SCN8A: variants seen among roughly 807,000 people sequenced by gnomAD.
The protein encoded by SCN8A is sodium channel protein type 8 subunit alpha.
SCN8A carries 30 observed loss-of-function variants against 184.1 expected under a neutral mutation model. The ratio of observed to expected loss-of-function variants is 0.16; its 90% CI spans 0.12 to 0.22. The LOEUF (loss-of-function observed/expected upper bound fraction) is 0.22, where lower values mean the gene tolerates loss of function less well. SCN8A is among the 10% of genes least tolerant of loss of function. The pLI, the probability that SCN8A is intolerant of heterozygous loss-of-function variation, is 1.00. For synonymous variants in SCN8A, 852 were observed against 907.0 expected, an observed-to-expected ratio of 0.94 and a Z score of 1.09; for missense variants, 1,057 against 2,498.9, an observed-to-expected ratio of 0.42 and a Z score of 12.30.
At chr12:51,722,038 C>G (rs1371115570) in intron 12 of SCN8A, 130 bp downstream of exon 12, 2 of 1,446,514 alleles carry the variant, frequency 1.4e-6, no homozygotes, top group Non-Finnish European at 9.5e-7. Flanking sequence ...CTTGGTCTGT[C>G]TGGACCCCAC....
At chr12:51,789,184 T>G (rs1377506460) in intron 23 of SCN8A, 97 bp from the exon 24 acceptor site, 1 of 1,330,970 alleles carries the variant, frequency 7.5e-7, no homozygotes, top group African/African-American at 1.5e-5. Flanking sequence ...CCAAGATGTT[T>G]AGCAGCTCAA....
chr12:51,606,147 G>A (rs1055059267), intron 1 of SCN8A, among the ~76,000 whole-genome samples: 4 of 152,092 alleles, frequency 2.6e-5, no homozygotes, highest in Non-Finnish European at 5.9e-5. Flanking sequence ...TGGGTTCTTG[G>A]CCATGAAATC....
intron 11 of SCN8A, among the ~76,000 whole-genome samples, chr12:51,709,395 G>A (rs917366515): frequency 1.3e-5 from 2 of 152,200 alleles, no homozygotes; most frequent in Non-Finnish European, 1.5e-5. Context: ...CACTGGCATA[G>A]AGATGGAGTT....
intron 7 of SCN8A, 28 bp downstream of exon 7, chr12:51,699,819 A>C: frequency 6.4e-7 from 1 of 1,565,182 alleles, no homozygotes; most frequent in South Asian, 1.1e-5. Flanking sequence ...TGCAAGAGGA[A>C]TAGGAAAAGT....
intron 1 of SCN8A, among the ~76,000 whole-genome samples, chr12:51,608,299 C>G (rs559099258): frequency 6.6e-6 from 1 of 152,046 alleles, no homozygotes; most frequent in South Asian, 2.1e-4. Flanking sequence ...CGTGAGCCAC[C>G]GCGCCTGGCC....
intron 2 of SCN8A, 104 bp downstream of exon 2, chr12:51,663,197 G>C: frequency 7.5e-7 from 1 of 1,341,730 alleles, no homozygotes; most frequent in Non-Finnish European, 1.0e-6. Context: ...TGGATAAGTA[G>C]TTAACCTTTT....
chr12:51,611,394 AC>A (rs1398600181), intron 1 of SCN8A, among the ~76,000 whole-genome samples: 2 of 152,094 alleles, frequency 1.3e-5, no homozygotes, highest in African/African-American at 2.4e-5. Flanking sequence ...CGATCTCCTG[AC>A]CTTGTGATCG....
chr12:51,686,227 G>C (rs1262241525), intron 3 of SCN8A, 141 bp from the exon 4 acceptor site: 1 of 654,184 alleles, frequency 1.5e-6, no homozygotes, highest in Non-Finnish European at 2.7e-6. Context: ...AGTTTTCATT[G>C]TCACCTTGCA....
At chr12:51,743,871 G>A (rs941194165) in intron 12 of SCN8A, among the ~76,000 whole-genome samples, 1 of 152,200 alleles carries the variant, frequency 6.6e-6, no homozygotes, top group Admixed American at 6.5e-5. Flanking sequence ...CAAGGTGGGT[G>A]GATCACCTGA....
chr12:51,677,688 G>T (rs1180873460), intron 2 of SCN8A, among the ~76,000 whole-genome samples: 3 of 152,160 alleles, frequency 2.0e-5, no homozygotes, highest in African/African-American at 7.2e-5. Flanking sequence ...AATTAGAAAT[G>T]AAAAGCCTGT....
At chr12:51,649,002 T>TG (rs1473843970) in intron 1 of SCN8A, among the ~76,000 whole-genome samples, 7 of 152,110 alleles carry the variant, frequency 4.6e-5, no homozygotes, top group African/African-American at 1.7e-4. Flanking sequence ...TAGATACAAT[T>TG]GGGGGTACAG....
chr12:51,766,677 C>G (rs1942842826), intron 16 of SCN8A, among the ~76,000 whole-genome samples: 1 of 152,188 alleles, frequency 6.6e-6, no homozygotes, highest in Non-Finnish European at 1.5e-5. Flanking sequence ...TCTCTTCTAC[C>G]TCTGTCTTTA....
intron 1 of SCN8A, among the ~76,000 whole-genome samples, chr12:51,660,019 C>A (rs552090662): frequency 2.0e-5 from 3 of 152,184 alleles, no homozygotes; most frequent in Admixed American, 2.0e-4. Flanking sequence ...TACCAATGTA[C>A]AAATTATTTT....
At chr12:51,642,563 C>T (rs1356901385) in intron 1 of SCN8A, among the ~76,000 whole-genome samples, 1 of 152,130 alleles carries the variant, frequency 6.6e-6, no homozygotes, top group East Asian at 1.9e-4. Context: ...TGGCTGGCCA[C>T]AATGGATTGT....
At chr12:51,622,292 A>C (rs1565862770) in intron 1 of SCN8A, among the ~76,000 whole-genome samples, 1 of 152,248 alleles carries the variant, frequency 6.6e-6, no homozygotes, top group African/African-American at 2.4e-5. Context: ...CTAAGAAACC[A>C]ATGTTGGTAC....
chr12:51,650,897 C>T (rs1159028840), intron 1 of SCN8A, among the ~76,000 whole-genome samples: 1 of 152,096 alleles, frequency 6.6e-6, no homozygotes. Context: ...AGAGATTTAC[C>T]CATGTATTTA....
At chr12:51,625,624 CT>C (rs963332499) in intron 1 of SCN8A, among the ~76,000 whole-genome samples, 7 of 152,182 alleles carry the variant, frequency 4.6e-5, no homozygotes, top group African/African-American at 1.7e-4. Context: ...ACCCCTCCCC[CT>C]CTTTTGTTTT....
chr12:51,664,310 C>G (rs1420631397), intron 2 of SCN8A, among the ~76,000 whole-genome samples: 1 of 139,716 alleles, frequency 7.2e-6, no homozygotes, highest in African/African-American at 2.7e-5. Context: ...TGGGTTCAAG[C>G]GATTCTGCTG....
intron 12 of SCN8A, among the ~76,000 whole-genome samples, chr12:51,741,433 A>G (rs910812560): frequency 2.0e-5 from 3 of 151,950 alleles, no homozygotes; most frequent in Admixed American, 6.6e-5. Context: ...ATGTCTTTTT[A>G]TTGGAGAGTT....
Sources: gnomAD v4.1 joint callset for allele counts (sites outside exome capture counted in the v4.1 genomes callset) on GRCh38, gnomAD v4.1.1 for gene constraint, MANE v1.5 for transcripts, NCBI Gene and HGNC (gene_info 2026-07-23, HGNC 2026-07-21) for gene names.